Variants in EDEM2 observed in about 807,000 individuals in gnomAD.
The protein encoded by EDEM2 is ER degradation-enhancing alpha-mannosidase-like protein 2.
EDEM2 carries 39 observed loss-of-function variants against 64.8 expected under a neutral mutation model. The ratio of observed to expected loss-of-function variants is 0.60; its 90% CI spans 0.47 to 0.79. The LOEUF is 0.79. EDEM2 is among the 30% of genes least tolerant of loss of function. The pLI, the probability that EDEM2 is intolerant of heterozygous loss-of-function variation, is 0.00. For missense variants in EDEM2, 609 were observed against 731.3 expected (o/e 0.83, Z 1.93); for synonymous variants, 296 against 291.5 (o/e 1.02, Z -0.16).
Position 35,146,889 on chromosome 20 carries a change from C to G in EDEM2, c.154G>C (p.Glu52Gln). The change falls in exon 2 of 11, where the codon GAG (glutamate) becomes CAG (glutamine). Residue 52 changes from glutamate (E) to glutamine (Q), a missense_variant. By Grantham distance (29) the Glu-to-Gln change is conservative. Coordinates refer to ENST00000374492, the MANE Select transcript of EDEM2 (RefSeq NM_018217.3). ...MFYHAYDSYL[E>Q]NAFPFDELRP... The stretch of plus-strand genomic sequence containing the variant: ...AGCTCATCGAAGGGAAAGGCATTCT[C>G]CAGGTAGCTGTCGTAGGCGTGGTAG... The G allele has an allele frequency of 6.2e-7, 1 of 1,614,146 alleles. No homozygotes were observed. Among genetic ancestry groups the G allele is most frequent in the Non-Finnish European group, 8.5e-7 (1 of 1,180,004 alleles).
chr20:35,143,339 GTCTC>G (rs1297997405), intron 3 of EDEM2, among the ~76,000 whole-genome samples: 1 of 152,160 alleles, frequency 6.6e-6, no homozygotes, highest in African/African-American at 2.4e-5. Context: ...ATGGCTTTTA[GTCTC>G]TCTCTTTCTG....
intron 6 of EDEM2, among the ~76,000 whole-genome samples, chr20:35,134,298 T>C (rs1244484784): frequency 6.6e-6 from 1 of 152,192 alleles, no homozygotes; most frequent in African/African-American, 2.4e-5. Flanking sequence ...ATATTATATC[T>C]AATATTCCCC....
intron 9 of EDEM2, 125 bp downstream of exon 9, chr20:35,123,765 T>A (rs2146091756): frequency 1.6e-6 from 2 of 1,260,066 alleles, no homozygotes; most frequent in East Asian, 4.7e-5. Flanking sequence ...CCAGAGCCAC[T>A]GAAAGGAACA....
At chr20:35,121,613 A>C (rs2085370070) in intron 9 of EDEM2, among the ~76,000 whole-genome samples, 1 of 152,188 alleles carries the variant, frequency 6.6e-6, no homozygotes, top group African/African-American at 2.4e-5. Context: ...GGAAGGTAAA[A>C]GCCTGCAGAG....
At chr20:35,126,478 G>A in intron 7 of EDEM2, 103 bp from the exon 8 acceptor site, 2 of 1,402,114 alleles carry the variant, frequency 1.4e-6, no homozygotes, top group South Asian at 2.6e-5. Flanking sequence ...AAGAGCACCA[G>A]GATGCAATGA....
At chr20:35,130,994 G>C (rs2085498385) in intron 7 of EDEM2, among the ~76,000 whole-genome samples, 1 of 152,182 alleles carries the variant, frequency 6.6e-6, no homozygotes, top group African/African-American at 2.4e-5. Context: ...AAATTCTGTA[G>C]AAGGATCAAG....
intron 10 of EDEM2, among the ~76,000 whole-genome samples, chr20:35,117,905 G>C (rs6142300): frequency 0.74 from 112,283 of 151,970 alleles, 41,678 homozygotes; most frequent in Admixed American, 0.8. Context: ...CCTACCAAGG[G>C]TTCACATTCC....
In EDEM2 at chr20:35,126,365, T is replaced by A. The variant is rs2085432385; in HGVS notation, c.855A>T (p.Lys285Asn). Residue 285 changes from lysine (K) to asparagine (N), a missense_variant, in exon 8 of 11, where the codon AAA (lysine) becomes AAT (asparagine). Coordinates refer to ENST00000374492, the MANE Select transcript of EDEM2 (RefSeq NM_018217.3). The stretch of plus-strand genomic sequence containing the variant: ...CGAAGCGGGTGTAGTTCCGGATGGC[T>A]TTGTTATACTCTGCAGTGGGGGAGA... ...KLMAMFLEYN[K>N]AIRNYTRFDD... 6.2e-7 allele frequency: 1 copy of A among 1,613,672 alleles called. No homozygotes were observed. The highest frequency in any genetic ancestry group is 1.3e-5 in the African/African-American group (1 of 74,830).
At chr20:35,140,864 A>T (rs997845437) in intron 4 of EDEM2, among the ~76,000 whole-genome samples, 5 of 152,174 alleles carry the variant, frequency 3.3e-5, no homozygotes, top group African/African-American at 1.2e-4. Flanking sequence ...CACACCTATA[A>T]TCCCAGCACT....
At chr20:35,135,883 C>T (rs1018266124) in intron 5 of EDEM2, among the ~76,000 whole-genome samples, 3 of 152,146 alleles carry the variant, frequency 2.0e-5, no homozygotes, top group South Asian at 2.1e-4. Context: ...GGGATGGGAA[C>T]GCCTCCCCTG....
Position 35,147,153 on chromosome 20 carries a change from TG to T in EDEM2, c.105del (p.Tyr35Ter). 1 of 1,600,626 alleles carries T rather than the reference TG, an allele frequency of 6.2e-7. No homozygotes were observed. The highest frequency in any genetic ancestry group is 8.5e-7 in the Non-Finnish European group (1 of 1,171,710). ...GCGAAAGGGCGGGTCACAGTTCACC[TG>T]TAGTGGGCGGGATCTGGCGCGGAGC... The part of the protein sequence containing the change: ...PDGSAPDPAH[Y>X]RERVKAMFYH... On this transcript the variant is annotated frameshift_variant and splice_region_variant, in exon 1 of 11. Coordinates refer to ENST00000374492, the MANE Select transcript of EDEM2 (RefSeq NM_018217.3). LOFTEE classifies it high-confidence loss of function.
chr20:35,147,282 C>A lies in EDEM2; in HGVS notation c.-24G>T. On this transcript the variant is annotated 5_prime_UTR_variant, in exon 1 of 11. Coordinates refer to ENST00000374492, the MANE Select transcript of EDEM2 (RefSeq NM_018217.3). ...ATAGAGCTCGTGTCCTCTCAGCGCC[C>A]CCGCAGCAGCAGCAGCCACTGCAAC... is the stretch of plus-strand genomic sequence containing the variant. 6.7e-7 allele frequency: 1 copy of A among 1,492,612 alleles called. No individual in the cohort carries two copies. Among genetic ancestry groups the A allele is most frequent in the East Asian group, 2.5e-5 (1 of 40,498 alleles). The allele number at this position is 1,492,612 out of a possible 1,614,324, so 92.5% of individuals were successfully genotyped here.
At position 35,131,877 on chromosome 20, in the gene EDEM2, G is replaced by A. The variant is rs958628622; in HGVS notation, c.703-94C>T. ...AACCCTGACTGCCCAGGGAGATGCA[G>A]GGCAGGTGCCCCAGTGCTTCTTGGG... On this transcript the variant is annotated intron_variant, in intron 6 of 10. Coordinates refer to ENST00000374492, the MANE Select transcript of EDEM2 (RefSeq NM_018217.3). The A allele has an allele frequency of 2.7e-6, 4 of 1,470,424 alleles. No individual in the cohort carries two copies. The South Asian group carries it at 5.1e-5, about 19-fold the overall frequency. 91.1% of individuals were successfully genotyped at this position (1,470,424 alleles called of 1,614,324 possible). A position where few individuals can be genotyped will look rare whatever the true frequency, so the allele number is the denominator to read the frequency against.
Position 35,147,240 on chromosome 20 carries a change from T to C in EDEM2, c.19A>G (p.Ile7Val), listed in dbSNP as rs1358923155. 2 of 1,592,904 alleles carry C rather than the reference T, an allele frequency of 1.3e-6. No homozygotes were observed. The highest frequency in any genetic ancestry group is 1.7e-6 in the Non-Finnish European group (2 of 1,168,146). Residue 7 changes from isoleucine (I) to valine (V), a missense_variant, in exon 1 of 11, where the codon ATC becomes GTC. Coordinates refer to ENST00000374492, the MANE Select transcript of EDEM2 (RefSeq NM_018217.3). Reference protein sequence around the residue: MPFRLLIPLGLLCALLP... With the variant: MPFRLLVPLGLLCALLP... Reference sequence around the variant, plus strand: ...AGCGCGCACAGGAGGCCGAGCGGGATGAGCAGCCGGAAAGGCATAGAGCTC... The same window carrying C: ...AGCGCGCACAGGAGGCCGAGCGGGACGAGCAGCCGGAAAGGCATAGAGCTC...
At chr20:35,129,179 G>A (rs1181753097) in intron 7 of EDEM2, among the ~76,000 whole-genome samples, 1 of 152,124 alleles carries the variant, frequency 6.6e-6, no homozygotes, top group Non-Finnish European at 1.5e-5. Context: ...GGCCGAGGCG[G>A]GTGGATTGCC....
At chr20:35,120,299 G>C (rs2085353219) in intron 9 of EDEM2, among the ~76,000 whole-genome samples, 1 of 151,906 alleles carries the variant, frequency 6.6e-6, no homozygotes, top group African/African-American at 2.4e-5. Flanking sequence ...CTGACCTCAA[G>C]TCATCCGCCA....
chr20:35,133,208 G>A (rs1031321763), intron 6 of EDEM2, among the ~76,000 whole-genome samples: 13 of 152,060 alleles, frequency 8.5e-5, no homozygotes, highest in African/African-American at 1.2e-4. Context: ...ATCAGTTACC[G>A]GCTTGAGAGC....
intron 4 of EDEM2, among the ~76,000 whole-genome samples, chr20:35,141,060 C>T (rs934811575): frequency 7.7e-6 from 1 of 130,404 alleles, no homozygotes; most frequent in African/African-American, 3.0e-5. Flanking sequence ...GCAGAGGTTG[C>T]AGTAAGCCAA....
intron 9 of EDEM2, among the ~76,000 whole-genome samples, chr20:35,120,450 C>T (rs2085354736): frequency 6.6e-6 from 1 of 152,110 alleles, no homozygotes; most frequent in South Asian, 2.1e-4. Context: ...GGCCTCTAGA[C>T]AATTGCTAAT....
Sources: allele counts gnomAD v4.1 joint callset (sites outside exome capture counted in the v4.1 genomes callset), GRCh38; gene constraint gnomAD v4.1.1; transcripts MANE v1.5; gene names NCBI Gene and HGNC (gene_info 2026-07-23, HGNC 2026-07-21).